TCF7L1: variants seen among roughly 807,000 people sequenced by gnomAD.
TCF7L1 encodes the protein transcription factor 7 like 1.
Under a neutral mutation model 63.7 loss-of-function variants are expected in TCF7L1, and 18 were observed. The ratio of observed to expected loss-of-function variants is 0.28; its 90% confidence interval spans 0.20 to 0.42. The LOEUF is 0.42. Among genes scored for constraint, TCF7L1 ranks in the 10% least tolerant of loss-of-function variants. The probability of loss-of-function intolerance (pLI) is 1.00; values close to 1 mark genes in which losing one functional copy is unlikely to be tolerated. For missense variants in TCF7L1, 654 were observed against 779.3 expected (o/e 0.84, Z 1.91); for synonymous variants, 355 against 340.9 (o/e 1.04, Z -0.46).
At chr2:85,137,650 T>C (rs1440184450) in intron 3 of TCF7L1, among the ~76,000 whole-genome samples, 2 of 152,166 alleles carry the variant, frequency 1.3e-5, no homozygotes, top group African/African-American at 4.8e-5. Flanking sequence ...CCCAGCACTT[T>C]GGGAGGCCAA....
chr2:85,284,686 C>T (rs1203479423), intron 4 of TCF7L1, among the ~76,000 whole-genome samples: 1 of 152,208 alleles, frequency 6.6e-6, no homozygotes. Context: ...AGAAGGGACC[C>T]TCATCCTGCA....
At chr2:85,154,472 A>G (rs1481821043) in intron 3 of TCF7L1, among the ~76,000 whole-genome samples, 2 of 152,076 alleles carry the variant, frequency 1.3e-5, no homozygotes, top group Non-Finnish European at 2.9e-5. Flanking sequence ...AAGGGAGTGT[A>G]TTATGCAGGA....
chr2:85,274,250 G>A (rs957226681), intron 3 of TCF7L1, among the ~76,000 whole-genome samples: 3 of 152,322 alleles, frequency 2.0e-5, no homozygotes, highest in African/African-American at 7.2e-5. Flanking sequence ...GGCAGCTTGC[G>A]ACTCAGCAGG....
At chr2:85,278,758 G>T (rs1372706035) in intron 3 of TCF7L1, among the ~76,000 whole-genome samples, 1 of 152,246 alleles carries the variant, frequency 6.6e-6, no homozygotes, top group Non-Finnish European at 1.5e-5. Flanking sequence ...GATTCAGTGA[G>T]ATTGGAAAAC....
intron 4 of TCF7L1, among the ~76,000 whole-genome samples, chr2:85,301,366 A>AGGTTATAAG (rs1182804824): frequency 6.6e-6 from 1 of 152,100 alleles, no homozygotes; most frequent in Non-Finnish European, 1.5e-5. Flanking sequence ...CTTCTTTTCT[A>AGGTTATAAG]GGTTATAAGG....
intron 4 of TCF7L1, among the ~76,000 whole-genome samples, chr2:85,290,156 T>C (rs1296034904): frequency 6.6e-6 from 1 of 151,804 alleles, no homozygotes; most frequent in Non-Finnish European, 1.5e-5. Flanking sequence ...TTTTTGTATT[T>C]TTTTAGTAGA....
chr2:85,154,778 G>A (rs1399879874), intron 3 of TCF7L1, among the ~76,000 whole-genome samples: 2 of 152,070 alleles, frequency 1.3e-5, no homozygotes, highest in East Asian at 1.9e-4. Context: ...AAGGAAGGCC[G>A]TCAAACAAGT....
intron 3 of TCF7L1, among the ~76,000 whole-genome samples, chr2:85,256,184 T>C (rs1024295139): frequency 6.6e-5 from 10 of 152,306 alleles, no homozygotes; most frequent in African/African-American, 9.6e-5. Context: ...CTGGCTTCGA[T>C]GTGCTTTGGG....
intron 3 of TCF7L1, among the ~76,000 whole-genome samples, chr2:85,154,942 G>A (rs914629511): frequency 2.6e-5 from 4 of 152,028 alleles, no homozygotes; most frequent in Admixed American, 2.6e-4. Flanking sequence ...TCAGCCTTCT[G>A]AGTAGCTGGG....
intron 3 of TCF7L1, among the ~76,000 whole-genome samples, chr2:85,256,360 T>C (rs1318938735): frequency 6.6e-6 from 1 of 152,192 alleles, no homozygotes; most frequent in Non-Finnish European, 1.5e-5. Flanking sequence ...AGTTGTGTTA[T>C]CCAAATCCAC....
At chr2:85,158,337 C>T (rs1273729727) in intron 3 of TCF7L1, among the ~76,000 whole-genome samples, 1 of 152,200 alleles carries the variant, frequency 6.6e-6, no homozygotes, top group African/African-American at 2.4e-5. Flanking sequence ...CCTCTCTCTC[C>T]CCTCTCCTTT....
chr2:85,200,755 G>C (rs947659823), intron 3 of TCF7L1, among the ~76,000 whole-genome samples: 1 of 152,136 alleles, frequency 6.6e-6, no homozygotes, highest in African/African-American at 2.4e-5. Flanking sequence ...CTTTTTACTG[G>C]AATAAGCAGT....
At chr2:85,263,776 G>A (rs1680909828) in intron 3 of TCF7L1, among the ~76,000 whole-genome samples, 1 of 152,230 alleles carries the variant, frequency 6.6e-6, no homozygotes, top group Non-Finnish European at 1.5e-5. Context: ...TCACCGCGTG[G>A]GTGCCAACCT....
intron 3 of TCF7L1, among the ~76,000 whole-genome samples, chr2:85,237,943 A>G (rs2092302847): frequency 6.6e-6 from 1 of 151,966 alleles, no homozygotes; most frequent in Non-Finnish European, 1.5e-5. Flanking sequence ...CAAAGAGGAA[A>G]GTGACGCAGG....
intron 3 of TCF7L1, among the ~76,000 whole-genome samples, chr2:85,194,403 C>T (rs1679105590): frequency 6.6e-6 from 1 of 152,178 alleles, no homozygotes; most frequent in Admixed American, 6.5e-5. Flanking sequence ...GTGGCGCACG[C>T]CTGTAATCCC....
chr2:85,299,438 G>C (rs1463384698), intron 4 of TCF7L1, among the ~76,000 whole-genome samples: 1 of 151,886 alleles, frequency 6.6e-6, no homozygotes, highest in Non-Finnish European at 1.5e-5. Flanking sequence ...TGTAATCCCA[G>C]CTACTTGGGA....
rs568434913 is a variant in TCF7L1 at position 85,229,206 on chromosome 2, C to T, written c.442-54289C>T. On this transcript the variant is annotated intron_variant, in intron 3 of 11. Transcript: ENST00000282111. ...CTGAAAATACAAAAAATTAGCTGGGCGTGTTGGCACACACCTGTAGTCCCA... is the reference window on the plus strand; with the variant it reads ...CTGAAAATACAAAAAATTAGCTGGGTGTGTTGGCACACACCTGTAGTCCCA... Among the ~76,000 whole-genome samples the T allele has an allele frequency of 1.7e-3, 256 of 150,446 alleles. 1 individual carries two copies. Among genetic ancestry groups the T allele is most frequent in the Non-Finnish European group, 1.7e-3 (117 of 67,746 alleles).
chr2:85,174,525 A>G (rs1347323197), intron 3 of TCF7L1, among the ~76,000 whole-genome samples: 1 of 152,124 alleles, frequency 6.6e-6, no homozygotes, highest in Admixed American at 6.5e-5. Flanking sequence ...CAGCAATGGT[A>G]CATGCATCTC....
rs140189456 is a variant in TCF7L1, at chr2:85,223,174, T to G, written c.442-60321T>G. On this transcript the variant is annotated intron_variant, in intron 3 of 11. Coordinates refer to ENST00000282111, the MANE Select transcript of TCF7L1 (RefSeq NM_031283.3). ...ATAGCTCACTGTAGCTTCAAACTCC[T>G]GGGCCCAAGCAATCCCCCCACCTCA... is the stretch of plus-strand genomic sequence containing the variant. Among the ~76,000 whole-genome samples, 492 of 152,332 alleles carry G rather than the reference T, an allele frequency of 3.2e-3. 4 individuals carry two copies. Among genetic ancestry groups the G allele is most frequent in the African/African-American group, 0.011 (475 of 41,580 alleles).
Sources: allele counts gnomAD v4.1 joint callset (sites outside exome capture counted in the v4.1 genomes callset), GRCh38; gene constraint gnomAD v4.1.1; transcripts MANE v1.5; gene names NCBI Gene and HGNC (gene_info 2026-07-23, HGNC 2026-07-21).